The following CNNM2 variants were observed in gnomAD, a reference collection of about 807,000 sequenced individuals.
The protein encoded by CNNM2 is metal transporter CNNM2.
Under a neutral mutation model 66.9 loss-of-function variants are expected in CNNM2, and 12 were observed. The ratio of observed to expected loss-of-function variants is 0.18; its 90% CI spans 0.11 to 0.29. The LOEUF (loss-of-function observed/expected upper bound fraction) is 0.29, where lower values mean the gene tolerates loss of function less well. Ranked by LOEUF, CNNM2 falls within the 10% of genes least tolerant of loss-of-function variation. CNNM2 has a pLI of 1.00. For missense variants in CNNM2, 705 were observed against 1,167.7 expected, an observed-to-expected ratio of 0.60 and a Z score of 5.77; for synonymous variants, 557 against 501.8, an observed-to-expected ratio of 1.11 and a Z score of -1.47.
chr10:103,027,112 C>G (rs1183177460), intron 1 of CNNM2, among the ~76,000 whole-genome samples: 2 of 152,198 alleles, frequency 1.3e-5, no homozygotes, highest in African/African-American at 4.8e-5. Flanking sequence ...TTCCCCTTCT[C>G]ATTCCCTCAG....
chr10:102,936,228 T>C (rs1175573783), intron 1 of CNNM2, among the ~76,000 whole-genome samples: 1 of 152,076 alleles, frequency 6.6e-6, no homozygotes. Flanking sequence ...CTCAGAATCA[T>C]TCAAGAGATG....
chr10:102,968,410 C>T (rs1224666476), intron 1 of CNNM2, among the ~76,000 whole-genome samples: 1 of 152,010 alleles, frequency 6.6e-6, no homozygotes, highest in East Asian at 1.9e-4. Flanking sequence ...CCAAGCCCGG[C>T]TAATTTTTGT....
chr10:103,087,912 G>A lies in CNNM2; in HGVS notation c.*10732G>A, dbSNP rs2065878141. Reference sequence around the variant, plus strand: ...CAGTATATCCTTGACTAAGTTATCAGGCTGTGTTCTCTGCTTATAAAATAA... The same window carrying A: ...CAGTATATCCTTGACTAAGTTATCAAGCTGTGTTCTCTGCTTATAAAATAA... On this transcript the variant is annotated 3_prime_UTR_variant, in exon 8 of 8. Coordinates refer to ENST00000369878, the MANE Select transcript of CNNM2 (RefSeq NM_017649.5). The A allele has an allele frequency of 6.6e-6, 1 of 152,158 alleles. No individual in the cohort carries two copies. The highest frequency in any genetic ancestry group is 1.5e-5 in the Non-Finnish European group (1 of 68,032). 9.4% of individuals were successfully genotyped at this position (152,158 alleles called of 1,614,324 possible). A position where few individuals can be genotyped will look rare whatever the true frequency, so the allele number is the denominator to read the frequency against.
At chr10:103,061,167 C>T (rs1590482578) in intron 4 of CNNM2, among the ~76,000 whole-genome samples, 2 of 152,158 alleles carry the variant, frequency 1.3e-5, no homozygotes, top group South Asian at 2.1e-4. Flanking sequence ...CTGAGGCAGG[C>T]GGATCACTTG....
At chr10:102,921,051 C>A in intron 1 of CNNM2, 1 of 977,498 alleles carries the variant, frequency 1.0e-6, no homozygotes, top group Non-Finnish European at 1.2e-6. Flanking sequence ...CGTCAACTCT[C>A]ACCGTTCCAA....
At position 103,078,030 on chromosome 10, in the gene CNNM2, C is replaced by T. The variant is rs972211663; in HGVS notation, c.*850C>T. On this transcript the variant is annotated 3_prime_UTR_variant, in exon 8 of 8. Coordinates refer to ENST00000369878, the MANE Select transcript of CNNM2 (RefSeq NM_017649.5). Reference sequence around the variant, plus strand: ...TCTGCCAGCCAGCCCTCCTCCCCGACCCAGCGCCTAAGCTCACAGAGTGTC... The same window carrying T: ...TCTGCCAGCCAGCCCTCCTCCCCGATCCAGCGCCTAAGCTCACAGAGTGTC... 5 of 152,526 alleles carry T rather than the reference C, an allele frequency of 3.3e-5. No homozygotes were observed. The highest frequency in any genetic ancestry group is 1.2e-4 in the African/African-American group (5 of 41,382). 9.4% of individuals were successfully genotyped at this position (152,526 alleles called of 1,614,324 possible). A position where few individuals can be genotyped will look rare whatever the true frequency, so the allele number is the denominator to read the frequency against.
chr10:102,983,002 A>G (rs937562752), intron 1 of CNNM2, among the ~76,000 whole-genome samples: 20 of 152,158 alleles, frequency 1.3e-4, no homozygotes, highest in African/African-American at 4.6e-4. Flanking sequence ...CATCCACTCT[A>G]TGGTGTTTAG....
chr10:103,055,329 C>T (rs1329551434), intron 3 of CNNM2, among the ~76,000 whole-genome samples: 1 of 152,222 alleles, frequency 6.6e-6, no homozygotes, highest in Non-Finnish European at 1.5e-5. Context: ...AGAAGGCTAG[C>T]CGCAACCACA....
At chr10:102,935,723 G>A (rs1846214247) in intron 1 of CNNM2, among the ~76,000 whole-genome samples, 2 of 138,438 alleles carry the variant, frequency 1.4e-5, no homozygotes, top group South Asian at 2.4e-4. Flanking sequence ...TGATCCTCCC[G>A]CCTCAGCCTG....
At chr10:103,072,381 G>A (rs903442959) in intron 6 of CNNM2, among the ~76,000 whole-genome samples, 1 of 152,176 alleles carries the variant, frequency 6.6e-6, no homozygotes, top group South Asian at 2.1e-4. Flanking sequence ...AGTGGAGCGC[G>A]AGCGCCTCTG....
chr10:103,004,991 T>C (rs1018726564), intron 1 of CNNM2, among the ~76,000 whole-genome samples: 7 of 152,092 alleles, frequency 4.6e-5, no homozygotes, highest in African/African-American at 1.7e-4. Context: ...TAATTTCTTT[T>C]TTTTTCCCCC....
In CNNM2 at chr10:102,920,221, C is replaced by T. The variant is rs2297786; in HGVS notation, c.1621+120C>T. The T allele has an allele frequency of 0.41, 647,330 of 1,596,090 alleles. 132,540 individuals are homozygous for T. Among genetic ancestry groups the T allele is most frequent in the East Asian group, 0.51 (22,844 of 44,748 alleles). ...GAGTTGACCGGGATTTCTCCTTCTC[C>T]CTCTTAATTGCAAAGTTGAAAGGGT... On this transcript the variant is annotated intron_variant, in intron 1 of 7. Coordinates refer to ENST00000369878, the MANE Select transcript of CNNM2 (RefSeq NM_017649.5).
chr10:102,985,440 C>CAA (rs1258199294), intron 1 of CNNM2, among the ~76,000 whole-genome samples: 1 of 152,168 alleles, frequency 6.6e-6, no homozygotes, highest in Non-Finnish European at 1.5e-5. Context: ...AGCTTCTTTA[C>CAA]ATACCAAGCT....
At chr10:103,035,605 C>G (rs1165125677) in intron 1 of CNNM2, among the ~76,000 whole-genome samples, 1 of 152,154 alleles carries the variant, frequency 6.6e-6, no homozygotes, top group Non-Finnish European at 1.5e-5. Flanking sequence ...TTGGATGGGC[C>G]ATTAAGTAAG....
chr10:103,016,755 A>G (rs2064459198), intron 1 of CNNM2, among the ~76,000 whole-genome samples: 1 of 152,170 alleles, frequency 6.6e-6, no homozygotes. Context: ...TCAAGCATTC[A>G]ATAGGGAAGA....
chr10:103,082,538 T>G lies in CNNM2; in HGVS notation c.*5358T>G, dbSNP rs1379066058. ...ACCCACAAATGTATATGCTTTATTT[T>G]ATATTATTTATTATGTACATATGCC... On this transcript the variant is annotated 3_prime_UTR_variant, in exon 8 of 8. Transcript: ENST00000369878. The G allele has an allele frequency of 6.6e-6, 1 of 152,244 alleles. No homozygotes were observed. The allele number at this position is 152,244 out of a possible 1,614,324, so 9.4% of individuals were successfully genotyped here. A position where few individuals can be genotyped will look rare whatever the true frequency, so the allele number is the denominator to read the frequency against.
intron 4 of CNNM2, among the ~76,000 whole-genome samples, chr10:103,057,270 C>G (rs947654868): frequency 1.3e-5 from 2 of 151,990 alleles, no homozygotes; most frequent in Admixed American, 1.3e-4. Context: ...AAGTTCAAGA[C>G]CAGCCTGGGC....
At chr10:103,030,789 G>A (rs879312940) in intron 1 of CNNM2, among the ~76,000 whole-genome samples, 5 of 152,124 alleles carry the variant, frequency 3.3e-5, no homozygotes, top group Non-Finnish European at 7.4e-5. Context: ...TGTCATAGCC[G>A]GATGAAACTA....
chr10:102,981,436 T>C (rs1373096230), intron 1 of CNNM2, among the ~76,000 whole-genome samples: 1 of 151,642 alleles, frequency 6.6e-6, no homozygotes, highest in Non-Finnish European at 1.5e-5. Flanking sequence ...AGGATCTTTG[T>C]TGGTTTACTC....
Sources: gnomAD v4.1 joint callset for allele counts (sites outside exome capture counted in the v4.1 genomes callset) on GRCh38, gnomAD v4.1.1 for gene constraint, MANE v1.5 for transcripts, NCBI Gene and HGNC (gene_info 2026-07-23, HGNC 2026-07-21) for gene names.